The following ZNF654 variants were observed in gnomAD, a reference collection of about 807,000 sequenced individuals.
ZNF654 encodes zinc finger protein 654, also known as melanoma-associated antigen.
Under a neutral mutation model 95.3 loss-of-function variants are expected in ZNF654, and 19 were observed. That is an observed-to-expected ratio of 0.20 (90% confidence interval 0.14 to 0.29). ZNF654 has a LOEUF of 0.29. Ranked by LOEUF, ZNF654 falls within the 10% of genes least tolerant of loss-of-function variation. ZNF654 has a pLI of 1.00. For missense variants in ZNF654, 1,046 were observed against 1,341.0 expected (o/e 0.78, Z 3.44); for synonymous variants, 413 against 457.9 (o/e 0.90, Z 1.25).
At chr3:88,074,831 G>T (rs1707711987) in intron 1 of ZNF654, among the ~76,000 whole-genome samples, 1 of 152,140 alleles carries the variant, frequency 6.6e-6, no homozygotes, top group South Asian at 2.1e-4. Flanking sequence ...CAGAAAACAG[G>T]ATACCAAGTG....
chr3:88,094,898 A>G (rs1442235513), intron 2 of ZNF654, among the ~76,000 whole-genome samples: 2 of 152,126 alleles, frequency 1.3e-5, no homozygotes, highest in Non-Finnish European at 2.9e-5. Context: ...AAAAAATTAC[A>G]TGAAATGCTT....
intron 1 of ZNF654, among the ~76,000 whole-genome samples, chr3:88,061,525 C>G (rs1290401770): frequency 6.6e-6 from 1 of 152,082 alleles, no homozygotes; most frequent in Non-Finnish European, 1.5e-5. Flanking sequence ...TTTTATAATA[C>G]TCTAGGTTAC....
At chr3:88,090,018 T>C (rs1324436097) in intron 2 of ZNF654, among the ~76,000 whole-genome samples, 1 of 152,222 alleles carries the variant, frequency 6.6e-6, no homozygotes, top group African/African-American at 2.4e-5. Flanking sequence ...AACCTACGGC[T>C]CTGCCAGTTA....
chr3:88,061,917 G>C (rs1706908827), intron 1 of ZNF654, among the ~76,000 whole-genome samples: 1 of 152,124 alleles, frequency 6.6e-6, no homozygotes, highest in Admixed American at 6.5e-5. Flanking sequence ...GTGTTTCAAA[G>C]AAAGGCTCTG....
Position 88,100,627 on chromosome 3 carries a change from G to C in ZNF654, c.333-12488G>C, listed in dbSNP as rs1042577300. Among the ~76,000 whole-genome samples, 33 of 152,298 alleles carry C rather than the reference G, an allele frequency of 2.2e-4. No homozygotes were observed. The South Asian group carries it at 3.9e-3, about 18-fold the overall frequency. On this transcript the variant is annotated intron_variant, in intron 2 of 8. Transcript: ENST00000636215. ...CATATACACCATGGAATACGATGCA[G>C]CCATAAAAAGGATGAGTTCATGTCC...
intron 3 of ZNF654, among the ~76,000 whole-genome samples, chr3:88,118,964 G>A (rs56187005): frequency 0.15 from 21,414 of 147,526 alleles, 1,510 homozygotes; most frequent in African/African-American, 0.17. Context: ...AACCATTGTG[G>A]AAGTCAGTGT....
chr3:88,076,473 T>C (rs2107631612), intron 1 of ZNF654, among the ~76,000 whole-genome samples: 1 of 152,348 alleles, frequency 6.6e-6, no homozygotes, highest in Admixed American at 6.5e-5. Context: ...TGAACTTTTA[T>C]TCCTAAGGAA....
At chr3:88,074,139 G>C (rs1047832418) in intron 1 of ZNF654, among the ~76,000 whole-genome samples, 1 of 152,044 alleles carries the variant, frequency 6.6e-6, no homozygotes, top group African/African-American at 2.4e-5. Context: ...TTAAAGTCTA[G>C]AGTCTAAAGA....
chr3:88,085,439 C>T (rs969564802), intron 1 of ZNF654, among the ~76,000 whole-genome samples: 6 of 151,748 alleles, frequency 4.0e-5, no homozygotes, highest in African/African-American at 1.5e-4. Flanking sequence ...TTTTTCCAAC[C>T]ACTTAAAAAT....
chr3:88,116,252 G>T (rs910744621), intron 3 of ZNF654, among the ~76,000 whole-genome samples: 1 of 152,066 alleles, frequency 6.6e-6, no homozygotes, highest in South Asian at 2.1e-4. Context: ...CAGGCATAGT[G>T]GTTCACCCCT....
intron 3 of ZNF654, among the ~76,000 whole-genome samples, chr3:88,118,931 TTGG>T (rs1705582918): frequency 6.7e-6 from 1 of 149,666 alleles, no homozygotes; most frequent in Non-Finnish European, 1.5e-5. Context: ...TTTTACACTG[TTGG>T]TGGGACTGTA....
Position 88,086,420 on chromosome 3 carries a change from C to T in ZNF654, c.332+18C>T. The T allele has an allele frequency of 1.4e-6, 2 of 1,458,942 alleles. No homozygotes were observed. The highest frequency in any genetic ancestry group is 1.8e-6 in the Non-Finnish European group (2 of 1,103,282). The allele number at this position is 1,458,942 out of a possible 1,614,324, so 90.4% of individuals were successfully genotyped here. On this transcript the variant is annotated intron_variant, in intron 2 of 8. Transcript: ENST00000636215. Reference sequence around the variant, plus strand: ...CTTGCTGTGTAAGTACTTTTTACTTCTTATAAATGCATTATTTTTCTTGAT... The same window carrying T: ...CTTGCTGTGTAAGTACTTTTTACTTTTTATAAATGCATTATTTTTCTTGAT...
chr3:88,141,113 T>C (rs1049584316), intron 8 of ZNF654, 65 bp downstream of exon 8: 3 of 1,507,680 alleles, frequency 2.0e-6, no homozygotes, highest in South Asian at 1.4e-5. Context: ...ATAAAACTAT[T>C]ATAGATCTTT....
At chr3:88,126,579 CTTTTTTTTTTTTTTTT>C (rs144091813) in intron 4 of ZNF654, among the ~76,000 whole-genome samples, 1 of 81,744 alleles carries the variant, frequency 1.2e-5, no homozygotes, top group Non-Finnish European at 2.4e-5. Context: ...GTAGAAACAT[CTTTTTTTTTTTTTTTT>C]TTTTTTTTTA....
rs72925808 is a variant in ZNF654 at position 88,130,496 on chromosome 3, G to A, written c.893+670G>A. Among the ~76,000 whole-genome samples, 1,364 of 152,082 alleles carry A rather than the reference G, an allele frequency of 9.0e-3. 27 individuals carry two copies. Among genetic ancestry groups the A allele is most frequent in the African/African-American group, 0.032 (1,316 of 41,488 alleles). ...AGACAGGGTTTCACTGTGTCTCTCAGGCTAGAATACAGTGGTGCGATCATG... is the reference window on the plus strand; with the variant it reads ...AGACAGGGTTTCACTGTGTCTCTCAAGCTAGAATACAGTGGTGCGATCATG... On this transcript the variant is annotated intron_variant, in intron 6 of 8. Coordinates refer to ENST00000636215, the MANE Select transcript of ZNF654 (RefSeq NM_001350134.2).
At chr3:88,075,139 T>C (rs917821577) in intron 1 of ZNF654, among the ~76,000 whole-genome samples, 1 of 152,232 alleles carries the variant, frequency 6.6e-6, no homozygotes, top group African/African-American at 2.4e-5. Flanking sequence ...TTAAAAGCTT[T>C]TAATTTCTGT....
At chr3:88,116,734 A>G (rs547464938) in intron 3 of ZNF654, among the ~76,000 whole-genome samples, 9 of 152,182 alleles carry the variant, frequency 5.9e-5, no homozygotes, top group Non-Finnish European at 1.2e-4. Context: ...GAGGTAAGAA[A>G]GTCTTATAAG....
chr3:88,109,267 A>G (rs1178271351), intron 2 of ZNF654, among the ~76,000 whole-genome samples: 1 of 151,920 alleles, frequency 6.6e-6, no homozygotes, highest in African/African-American at 2.4e-5. Flanking sequence ...AGAATAGTTG[A>G]GTATGTCAAC....
At chr3:88,083,202 C>T (rs1230731327) in intron 1 of ZNF654, among the ~76,000 whole-genome samples, 1 of 152,156 alleles carries the variant, frequency 6.6e-6, no homozygotes, top group Non-Finnish European at 1.5e-5. Flanking sequence ...AGGGCTTCAA[C>T]AAATGAACTT....
Sources: gnomAD v4.1 joint callset for allele counts (sites outside exome capture counted in the v4.1 genomes callset) on GRCh38, gnomAD v4.1.1 for gene constraint, MANE v1.5 for transcripts, NCBI Gene and HGNC (gene_info 2026-07-23, HGNC 2026-07-21) for gene names.